The following RASSF5 variants were observed in gnomAD, a reference collection of about 807,000 sequenced individuals.
RASSF5 encodes Ras association domain family member 5, also known as ras association domain-containing protein 5.
In RASSF5, 25 loss-of-function variants were observed where a neutral mutation model predicts 40.5. The observed-to-expected ratio is 0.62, with a 90% CI of 0.45 to 0.86. The LOEUF is 0.86. Among genes scored for constraint, RASSF5 ranks in the 40% least tolerant of loss-of-function variants. The pLI, the probability that RASSF5 is intolerant of heterozygous loss-of-function variation, is 0.00. For synonymous variants in RASSF5, 246 were observed against 252.4 expected (o/e 0.97, Z 0.24); for missense variants, 521 against 572.8 (o/e 0.91, Z 0.92).
intron 1 of RASSF5, among the ~76,000 whole-genome samples, chr1:206,522,317 A>G (rs1166855865): frequency 2.6e-5 from 4 of 152,158 alleles, no homozygotes; most frequent in Non-Finnish European, 5.9e-5. Context: ...CCGTAGAAAA[A>G]GGTTTAGTTC....
intron 5 of RASSF5, chr1:206,586,501 A>C: frequency 4.0e-6 from 1 of 248,336 alleles, no homozygotes; most frequent in Non-Finnish European, 7.9e-6. Context: ...GAGGGTCTGC[A>C]TGTTGGGAGG....
intron 1 of RASSF5, among the ~76,000 whole-genome samples, chr1:206,516,819 G>T (rs551308218): frequency 6.6e-6 from 1 of 152,174 alleles, no homozygotes; most frequent in Non-Finnish European, 1.5e-5. Context: ...GCGGGGATGG[G>T]AATGAGCCCT....
chr1:206,516,613 C>T (rs886221155), intron 1 of RASSF5, among the ~76,000 whole-genome samples: 5 of 152,142 alleles, frequency 3.3e-5, no homozygotes, highest in Admixed American at 2.0e-4. Flanking sequence ...CGTGCCACCA[C>T]ACCCGGATAA....
chr1:206,536,735 CT>C (rs1667423263), intron 1 of RASSF5, among the ~76,000 whole-genome samples: 1 of 152,326 alleles, frequency 6.6e-6, no homozygotes, highest in Non-Finnish European at 1.5e-5. Flanking sequence ...AAGTGGCCCC[CT>C]AATCCCCAGG....
intron 1 of RASSF5, among the ~76,000 whole-genome samples, chr1:206,524,439 T>C (rs1458952573): frequency 1.4e-5 from 2 of 141,046 alleles, no homozygotes; most frequent in Non-Finnish European, 3.0e-5. Flanking sequence ...ATACCATATA[T>C]AATATATTTT....
At chr1:206,529,560 G>T (rs1667184140) in intron 1 of RASSF5, 2 of 866,344 alleles carry the variant, frequency 2.3e-6, no homozygotes, top group East Asian at 2.4e-5. Context: ...GGCTAAGCTG[G>T]TGGAAGCTAT....
intron 1 of RASSF5, among the ~76,000 whole-genome samples, chr1:206,511,576 C>T (rs1553394654): frequency 6.6e-6 from 1 of 152,160 alleles, no homozygotes; most frequent in African/African-American, 2.4e-5. Context: ...GAGTCTCTCT[C>T]CAGAGGGGGC....
At chr1:206,576,866 A>G (rs551997737) in intron 2 of RASSF5, among the ~76,000 whole-genome samples, 26 of 152,294 alleles carry the variant, frequency 1.7e-4, no homozygotes, top group African/African-American at 6.0e-4. Context: ...CAGTGGCACA[A>G]TCACGGCTCA....
chr1:206,537,039 C>T (rs1472652320), intron 1 of RASSF5, among the ~76,000 whole-genome samples: 1 of 152,198 alleles, frequency 6.6e-6, no homozygotes, highest in Admixed American at 6.5e-5. Flanking sequence ...CTCCCCTGCC[C>T]TTCCCTCGCC....
At position 206,587,050 on chromosome 1, in the gene RASSF5, A is replaced by C; in HGVS notation, c.*72A>C. ...TATTAATTATTATTTTGCAACAGAC[A>C]CTTTTTCTCAGGACATCTCTGGCAG... On this transcript the variant is annotated 3_prime_UTR_variant, in exon 6 of 6. Coordinates refer to ENST00000579436, the MANE Select transcript of RASSF5 (RefSeq NM_182663.4). 1 of 1,557,862 alleles carries C rather than the reference A, an allele frequency of 6.4e-7. No individual in the cohort carries two copies. The highest frequency in any genetic ancestry group is 8.7e-7 in the Non-Finnish European group (1 of 1,145,104).
At chr1:206,550,039 C>T (rs532512737) in intron 2 of RASSF5, among the ~76,000 whole-genome samples, 12 of 152,292 alleles carry the variant, frequency 7.9e-5, no homozygotes, top group Middle Eastern at 3.4e-3. Context: ...CTTTGTCTCC[C>T]TAGACTCGAG....
intron 2 of RASSF5, among the ~76,000 whole-genome samples, chr1:206,565,372 A>C (rs986583170): frequency 1.3e-5 from 2 of 152,188 alleles, no homozygotes; most frequent in Non-Finnish European, 2.9e-5. Context: ...CCCATATCCC[A>C]AAATTTTCCC....
At position 206,557,474 on chromosome 1, in the gene RASSF5, G is replaced by C. The variant is rs1276024201; in HGVS notation, c.579+19181G>C. 5 of 1,562,844 alleles carry C rather than the reference G, an allele frequency of 3.2e-6. No homozygotes were observed. In the African/African-American group the frequency reaches 6.8e-5, roughly 21 times the overall value. ...TCGGGGCTCAGAGCTAGGGGCTTACGCCAAGCGGAGCCCGGGGAGGGGTGC... is the reference window on the plus strand; with the variant it reads ...TCGGGGCTCAGAGCTAGGGGCTTACCCCAAGCGGAGCCCGGGGAGGGGTGC... On this transcript the variant is annotated intron_variant, in intron 2 of 5. Coordinates refer to ENST00000579436, the MANE Select transcript of RASSF5 (RefSeq NM_182663.4).
chr1:206,510,483 A>T (rs1553394503), intron 1 of RASSF5, among the ~76,000 whole-genome samples: 1 of 152,234 alleles, frequency 6.6e-6, no homozygotes, highest in East Asian at 1.9e-4. Flanking sequence ...GCAAAATGCA[A>T]TACGAATGTT....
At chr1:206,572,168 G>A (rs1487266521) in intron 2 of RASSF5, among the ~76,000 whole-genome samples, 1 of 151,412 alleles carries the variant, frequency 6.6e-6, no homozygotes, top group African/African-American at 2.4e-5. Context: ...CATTTATTTT[G>A]GGGTTTAGGG....
At chr1:206,572,078 T>C (rs1367959342) in intron 2 of RASSF5, among the ~76,000 whole-genome samples, 2 of 152,220 alleles carry the variant, frequency 1.3e-5, no homozygotes, top group Non-Finnish European at 2.9e-5. Flanking sequence ...TGGTGTTCAG[T>C]AGTCTCAGAA....
At chr1:206,536,195 A>G (rs1386807375) in intron 1 of RASSF5, among the ~76,000 whole-genome samples, 1 of 152,224 alleles carries the variant, frequency 6.6e-6, no homozygotes, top group Non-Finnish European at 1.5e-5. Context: ...ACGGAGGACC[A>G]GAAATGCATG....
Position 206,507,952 on chromosome 1 carries a change from C to T in RASSF5, c.350C>T (p.Ala117Val), listed in dbSNP as rs1553394093. 2.6e-6 allele frequency: 4 copies of T among 1,527,592 alleles called. No individual in the cohort carries two copies. Among genetic ancestry groups the T allele is most frequent in the South Asian group, 1.2e-5 (1 of 82,022 alleles). The allele number at this position is 1,527,592 out of a possible 1,614,324, so 94.6% of individuals were successfully genotyped here. ...CAGCCGCAGGATCCCAGAGTCCCGG[C>T]GGAGCGAGGCGAGGGGCACTGCTTC... The part of the protein sequence containing the change: ...FEQPQDPRVP[A>V]ERGEGHCFAE... Residue 117 changes from alanine (A) to valine (V), a missense_variant, in exon 1 of 6, where the codon GCG (alanine) becomes GTG (valine). Ala to Val is a moderately conservative substitution (Grantham distance 64). Around this residue, in one of 2 missense-constraint regions of RASSF5, gnomAD observed 237 missense variants for 212.0 expected, o/e 1.12. Coordinates refer to ENST00000579436, the MANE Select transcript of RASSF5 (RefSeq NM_182663.4).
Position 206,584,264 on chromosome 1 carries a change from C to A in RASSF5, c.691-123C>A. 1 of 924,358 alleles carries A rather than the reference C, an allele frequency of 1.1e-6. No homozygotes were observed. The highest frequency in any genetic ancestry group is 1.6e-6 in the Non-Finnish European group (1 of 619,594). 57.3% of individuals were successfully genotyped at this position (924,358 alleles called of 1,614,324 possible). On this transcript the variant is annotated intron_variant, in intron 3 of 5. Transcript: ENST00000579436. The surrounding 1 kb of genome is among the most constrained non-coding windows in gnomAD (Gnocchi z 4.9). ...GCTCCTTCCTCCAGCTCTCCCACGT[C>A]AGCAGAGGCAGGAAAGAACTCAAGG...
Sources: gnomAD v4.1 joint callset for allele counts (sites outside exome capture counted in the v4.1 genomes callset) on GRCh38, gnomAD v4.1.1 for gene constraint, gnomAD v4.1.1 regional missense constraint, Gnocchi (gnomAD v3.1) non-coding constraint, MANE v1.5 for transcripts, NCBI Gene and HGNC (gene_info 2026-07-23, HGNC 2026-07-21) for gene names.